The following CFAP91 variants were observed in gnomAD, a reference collection of about 807,000 sequenced individuals.
CFAP91 encodes the protein cilia- and flagella-associated protein 91.
A neutral mutation model predicts 95.9 loss-of-function variants in CFAP91; 85 were observed. The ratio of observed to expected loss-of-function variants is 0.89; its 90% CI spans 0.74 to 1.06. CFAP91 has a LOEUF of 1.06. Ranked by LOEUF, CFAP91 falls within the 50% of genes least tolerant of loss-of-function variation. The probability of loss-of-function intolerance (pLI) is 0.00; values close to 1 mark genes in which losing one functional copy is unlikely to be tolerated. For missense variants in CFAP91, 962 were observed against 943.4 expected, an observed-to-expected ratio of 1.02 and a Z score of -0.26; for synonymous variants, 335 against 327.5, an observed-to-expected ratio of 1.02 and a Z score of -0.25.
At chr3:119,741,166 G>T (rs1431486179) in intron 13 of CFAP91, among the ~76,000 whole-genome samples, 2 of 152,136 alleles carry the variant, frequency 1.3e-5, no homozygotes, top group South Asian at 4.1e-4. Context: ...GATTGGGGAT[G>T]TGCCCTTACT....
intron 6 of CFAP91, among the ~76,000 whole-genome samples, chr3:119,718,925 G>C (rs1185063087): frequency 6.8e-6 from 1 of 147,880 alleles, no homozygotes; most frequent in Admixed American, 6.7e-5. Flanking sequence ...AAAAAAAAAT[G>C]AGCACATTAT....
intron 17 of CFAP91, among the ~76,000 whole-genome samples, chr3:119,757,313 G>A (rs1455064469): frequency 6.6e-6 from 1 of 152,084 alleles, no homozygotes; most frequent in African/African-American, 2.4e-5. Flanking sequence ...ATCTTTATCA[G>A]GAACTAACAA....
At chr3:119,752,240 G>T (rs1323743276) in intron 17 of CFAP91, 3 of 152,106 alleles carry the variant, frequency 2.0e-5, no homozygotes, top group Non-Finnish European at 2.9e-5. Context: ...CAGAAGTTTT[G>T]TATATTGTCC....
chr3:119,724,372 A>C (rs2053740611), intron 6 of CFAP91, among the ~76,000 whole-genome samples: 2 of 152,128 alleles, frequency 1.3e-5, no homozygotes, highest in Admixed American at 1.3e-4. Context: ...CATCGGCTTT[A>C]TTTATAAGGT....
intron 1 of CFAP91, among the ~76,000 whole-genome samples, chr3:119,704,551 A>G (rs1265203074): frequency 1.3e-5 from 2 of 152,348 alleles, no homozygotes; most frequent in East Asian, 3.9e-4. Flanking sequence ...CTTGAATTTC[A>G]GATAATGAAT....
At chr3:119,732,748 T>G (rs961434917) in intron 9 of CFAP91, among the ~76,000 whole-genome samples, 1 of 152,154 alleles carries the variant, frequency 6.6e-6, no homozygotes, top group African/African-American at 2.4e-5. Context: ...ACAATGAAAT[T>G]GAGAAAAGTT....
intron 17 of CFAP91, among the ~76,000 whole-genome samples, chr3:119,756,370 G>A (rs1163285443): frequency 1.3e-5 from 2 of 152,082 alleles, no homozygotes; most frequent in African/African-American, 4.8e-5. Flanking sequence ...CTTCAAGAAT[G>A]GCAACGAAAG....
chr3:119,707,285 T>C, intron 2 of CFAP91, 119 bp from the exon 3 acceptor site: 1 of 752,568 alleles, frequency 1.3e-6, no homozygotes, highest in Non-Finnish European at 2.1e-6. Context: ...CAATAACCCC[T>C]CTTCTTATGC....
At chr3:119,705,277 G>A (rs2053337049) in intron 1 of CFAP91, among the ~76,000 whole-genome samples, 1 of 152,204 alleles carries the variant, frequency 6.6e-6, no homozygotes, top group South Asian at 2.1e-4. Context: ...TGAATTGACT[G>A]GCCTTGGGCC....
chr3:119,729,108 A>G (rs756485157), intron 7 of CFAP91, among the ~76,000 whole-genome samples: 2 of 152,194 alleles, frequency 1.3e-5, no homozygotes, highest in Non-Finnish European at 2.9e-5. Context: ...GAAAACCTTG[A>G]CAGCTGGGTG....
At chr3:119,733,712 T>C (rs79330578) in intron 10 of CFAP91, among the ~76,000 whole-genome samples, 2,072 of 152,258 alleles carry the variant, frequency 0.014, 31 homozygotes, top group South Asian at 0.052. Context: ...GAGATTTTTT[T>C]CCCCATTTGC....
chr3:119,721,791 A>G lies in CFAP91; in HGVS notation c.683-4380A>G, dbSNP rs574833551. ...TCCTTATTTGCACACGTGCTCTCTT[A>G]GAAAAATAAATTATCAGAACTAAAA... On this transcript the variant is annotated intron_variant, in intron 6 of 17. Transcript: ENST00000273390. Among the ~76,000 whole-genome samples, 4 of 152,370 alleles carry G rather than the reference A, an allele frequency of 2.6e-5. No individual in the cohort carries two copies. The South Asian group carries it at 8.3e-4, about 32-fold the overall frequency.
chr3:119,722,745 C>T (rs1398484940), intron 6 of CFAP91, among the ~76,000 whole-genome samples: 6 of 151,938 alleles, frequency 3.9e-5, no homozygotes, highest in Admixed American at 2.6e-4. Flanking sequence ...TCTCCTGTCT[C>T]GGCCTCCAAA....
intron 6 of CFAP91, 86 bp downstream of exon 6, chr3:119,715,829 G>A: frequency 8.3e-7 from 1 of 1,208,688 alleles, no homozygotes; most frequent in Non-Finnish European, 1.2e-6. Context: ...ACAGGCAATT[G>A]TGGTTTACAG....
chr3:119,737,145 T>C (rs1397584887), intron 10 of CFAP91, among the ~76,000 whole-genome samples: 5 of 152,196 alleles, frequency 3.3e-5, no homozygotes, highest in African/African-American at 4.8e-5. Flanking sequence ...AGCATCACCA[T>C]AGAGAATATT....
At position 119,726,358 on chromosome 3, in the gene CFAP91, C is replaced by G. The variant is rs1010640478; in HGVS notation, c.860+10C>G. The G allele has an allele frequency of 1.4e-5, 23 of 1,603,968 alleles. No individual in the cohort carries two copies. The highest frequency in any genetic ancestry group is 5.4e-5 in the African/African-American group (4 of 74,598). ...AGCAGGAGATTGAAAAGTAGGTTCT[C>G]TATCACCCAGACAACTGTTCCTGCA... On this transcript the variant is annotated intron_variant, in intron 7 of 17. Transcript: ENST00000273390.
chr3:119,728,233 A>T (rs2053824544), intron 7 of CFAP91, among the ~76,000 whole-genome samples: 1 of 152,182 alleles, frequency 6.6e-6, no homozygotes, highest in South Asian at 2.1e-4. Context: ...TATGTGCCAG[A>T]TGATGTTCTA....
intron 15 of CFAP91, 137 bp downstream of exon 15, chr3:119,747,400 T>C: frequency 9.7e-7 from 1 of 1,028,552 alleles, no homozygotes; most frequent in Non-Finnish European, 1.4e-6. Context: ...TTTATTAACA[T>C]TAACTCTTGA....
At position 119,747,924 on chromosome 3, in the gene CFAP91, A is replaced by G. The variant is rs776059476; in HGVS notation, c.2143+22A>G. ...AAAGGTAAGCCAATGTAAATGCTTTACTTTAGGATTTTTTAAAGATGTAAA... is the reference window on the plus strand; with the variant it reads ...AAAGGTAAGCCAATGTAAATGCTTTGCTTTAGGATTTTTTAAAGATGTAAA... On this transcript the variant is annotated intron_variant, in intron 16 of 17. Coordinates refer to ENST00000273390, the MANE Select transcript of CFAP91 (RefSeq NM_033364.4). The G allele has an allele frequency of 3.9e-6, 6 of 1,543,818 alleles. No individual in the cohort carries two copies. The East Asian group carries it at 1.4e-4, about 35-fold the overall frequency.
Sources: allele counts gnomAD v4.1 joint callset (sites outside exome capture counted in the v4.1 genomes callset), GRCh38; gene constraint gnomAD v4.1.1; transcripts MANE v1.5; gene names NCBI Gene and HGNC (gene_info 2026-07-23, HGNC 2026-07-21).